DCC: variants seen among roughly 807,000 people sequenced by gnomAD.
DCC encodes the protein netrin receptor DCC.
DCC carries 58 observed loss-of-function variants against 172.5 expected under a neutral mutation model. The observed-to-expected ratio is 0.34, with a 90% confidence interval of 0.27 to 0.42. The LOEUF (loss-of-function observed/expected upper bound fraction) is 0.42, where lower values mean the gene tolerates loss of function less well. Ranked by LOEUF, DCC falls within the 10% of genes least tolerant of loss-of-function variation. The pLI is 1.00. For synonymous variants in DCC, 709 were observed against 644.5 expected (o/e 1.10, Z -1.52); for missense variants, 1,740 against 1,791.0 (o/e 0.97, Z 0.51).
Position 53,165,822 on chromosome 18 carries a change from C to T in DCC, c.1418+8310C>T, listed in dbSNP as rs181717284. On this transcript the variant is annotated intron_variant, in intron 8 of 28. Transcript: ENST00000442544. ...TGGAAGGAGTTAATCTTGAAAGGTT[C>T]GTCTTACTGATGAATGTATAACCAC... 2.0e-3 allele frequency among the ~76,000 whole-genome samples: 307 copies of T among 152,236 alleles called. 2 individuals are homozygous for T. Among genetic ancestry groups the T allele is most frequent in the Non-Finnish European group, 1.4e-3 (94 of 68,026 alleles).
chr18:53,012,186 G>A (rs1392353310), intron 5 of DCC, among the ~76,000 whole-genome samples: 1 of 151,756 alleles, frequency 6.6e-6, no homozygotes, highest in Non-Finnish European at 1.5e-5. Flanking sequence ...CTACTTCTAG[G>A]TATATATCCT....
intron 5 of DCC, among the ~76,000 whole-genome samples, chr18:53,039,381 C>T (rs892961401): frequency 1.3e-5 from 2 of 152,010 alleles, no homozygotes; most frequent in South Asian, 2.1e-4. Flanking sequence ...ATGTGAATTA[C>T]AAAACTCCAT....
intron 2 of DCC, among the ~76,000 whole-genome samples, chr18:52,810,243 T>TA (rs1287325249): frequency 1.3e-5 from 2 of 152,110 alleles, no homozygotes; most frequent in African/African-American, 4.8e-5. Flanking sequence ...GGGATGCAGA[T>TA]AGAGACATCT....
At chr18:53,108,641 C>G (rs1056829201) in intron 7 of DCC, among the ~76,000 whole-genome samples, 1 of 151,724 alleles carries the variant, frequency 6.6e-6, no homozygotes, top group Non-Finnish European at 1.5e-5. Context: ...TCCAGAAACA[C>G]TCTAATTCAG....
At chr18:52,741,477 T>C (rs913981397) in intron 1 of DCC, among the ~76,000 whole-genome samples, 1 of 152,148 alleles carries the variant, frequency 6.6e-6, no homozygotes, top group Non-Finnish European at 1.5e-5. Context: ...ATGTGCTACG[T>C]CCCTCTACAT....
At chr18:53,206,686 T>G (rs185917025) in intron 10 of DCC, among the ~76,000 whole-genome samples, 10 of 148,120 alleles carry the variant, frequency 6.8e-5, no homozygotes, top group Admixed American at 3.4e-4. Flanking sequence ...TATATATGTA[T>G]GACTGTTGAG....
At chr18:53,207,551 T>TCC (rs2055672780) in intron 10 of DCC, 128 bp from the exon 11 acceptor site, 1 of 882,804 alleles carries the variant, frequency 1.1e-6, no homozygotes, top group Admixed American at 2.0e-5. Flanking sequence ...GTAGGTTTTA[T>TCC]AGCTCATTAG....
At chr18:52,832,499 C>T (rs1262476715) in intron 2 of DCC, among the ~76,000 whole-genome samples, 1 of 152,076 alleles carries the variant, frequency 6.6e-6, no homozygotes. Flanking sequence ...TTTAGTAAGA[C>T]TTCTGGGCGT....
intron 1 of DCC, among the ~76,000 whole-genome samples, chr18:52,697,592 G>A (rs141255125): frequency 1.3e-5 from 2 of 152,280 alleles, no homozygotes; most frequent in East Asian, 3.9e-4. Flanking sequence ...AAACCCAATA[G>A]TACATACAGA....
intron 12 of DCC, among the ~76,000 whole-genome samples, chr18:53,246,207 C>T (rs752691282): frequency 6.6e-6 from 1 of 152,110 alleles, no homozygotes; most frequent in South Asian, 2.1e-4. Context: ...GGCTTTAGCA[C>T]CCTTCTTTGA....
chr18:53,468,380 T>TTTA (rs1555675979), intron 25 of DCC, among the ~76,000 whole-genome samples: 128 of 135,162 alleles, frequency 9.5e-4, no homozygotes, highest in African/African-American at 3.7e-3. Flanking sequence ...TATTTATTTA[T>TTTA]TTTATTTATT....
chr18:53,385,967 A>G, intron 15 of DCC, 76 bp from the exon 16 acceptor site: 1 of 984,910 alleles, frequency 1.0e-6, no homozygotes, highest in Non-Finnish European at 1.6e-6. Flanking sequence ...ATTTGTTTTG[A>G]GGAAAATGTT....
At chr18:52,832,276 C>G (rs185925320) in intron 2 of DCC, among the ~76,000 whole-genome samples, 10 of 152,182 alleles carry the variant, frequency 6.6e-5, no homozygotes, top group East Asian at 3.9e-4. Context: ...CTTAGTGAGG[C>G]CTTCCAAGGG....
chr18:52,538,431 C>T (rs368578815), intron 1 of DCC, among the ~76,000 whole-genome samples: 31 of 152,268 alleles, frequency 2.0e-4, no homozygotes, highest in Non-Finnish European at 3.4e-4. Flanking sequence ...ACCACACAAA[C>T]GCTTTCACTA....
At chr18:53,448,592 C>T (rs1030181571) in intron 22 of DCC, among the ~76,000 whole-genome samples, 1 of 152,180 alleles carries the variant, frequency 6.6e-6, no homozygotes, top group Non-Finnish European at 1.5e-5. Flanking sequence ...AATGTGGTGG[C>T]TCACACCTGC....
intron 5 of DCC, among the ~76,000 whole-genome samples, chr18:52,939,309 T>C (rs2040426503): frequency 6.6e-6 from 1 of 152,342 alleles, no homozygotes; most frequent in South Asian, 2.1e-4. Context: ...TTATGGGGGT[T>C]GTCCTTGTCC....
At chr18:53,259,719 G>T (rs1442918385) in intron 12 of DCC, among the ~76,000 whole-genome samples, 1 of 152,080 alleles carries the variant, frequency 6.6e-6, no homozygotes, top group East Asian at 1.9e-4. Flanking sequence ...GAGTATCTTT[G>T]TGGTGTTCTC....
intron 1 of DCC, among the ~76,000 whole-genome samples, chr18:52,600,610 T>C (rs2033997201): frequency 1.3e-5 from 2 of 152,212 alleles, no homozygotes; most frequent in South Asian, 4.1e-4. Context: ...GTCTTTACCA[T>C]TGACTCTTTT....
intron 2 of DCC, among the ~76,000 whole-genome samples, chr18:52,896,255 T>C (rs1490574905): frequency 6.6e-6 from 1 of 152,184 alleles, no homozygotes; most frequent in East Asian, 1.9e-4. Flanking sequence ...TAGTGAATAT[T>C]TGTCCACATT....
Sources: gnomAD v4.1 joint callset for allele counts (sites outside exome capture counted in the v4.1 genomes callset) on GRCh38, gnomAD v4.1.1 for gene constraint, MANE v1.5 for transcripts, NCBI Gene and HGNC (gene_info 2026-07-23, HGNC 2026-07-21) for gene names.